Variants in CDH18 observed in about 807,000 individuals in gnomAD.
CDH18 encodes the protein cadherin 18, also known as cadherin-18.
CDH18 carries 31 observed loss-of-function variants against 67.9 expected under a neutral mutation model. That is an observed-to-expected ratio of 0.46 (90% CI 0.34 to 0.62). The LOEUF (loss-of-function observed/expected upper bound fraction) is 0.62. CDH18 is among the 20% of genes least tolerant of loss of function. The probability of loss-of-function intolerance (pLI) is 0.01; values close to 1 mark genes in which losing one functional copy is unlikely to be tolerated. For synonymous variants in CDH18, 362 were observed against 347.2 expected (o/e 1.04, Z -0.48); for missense variants, 890 against 975.5 (o/e 0.91, Z 1.17).
Position 20,443,207 on chromosome 5 carries a change from C to CTCAAAAAAAAAAAAAAAAAAAAAAAAA in CDH18, c.-580+132254_-580+132255insTTTTTTTTTTTTTTTTTTTTTTTTTGA, listed in dbSNP as rs1491460573. Among the ~76,000 whole-genome samples the CTCAAAAAAAAAAAAAAAAAAAAAAAAA allele has an allele frequency of 1.2e-4, 3 of 25,384 alleles. 1 individual carries two copies. Among genetic ancestry groups the CTCAAAAAAAAAAAAAAAAAAAAAAAAA allele is most frequent in the Admixed American group, 7.0e-4 (1 of 1,438 alleles). 16.7% of individuals were successfully genotyped at this position (25,384 alleles called of 152,430 possible). ...CCTGGGTGATAGAGCGAGACTCCGT[C>CTCAAAAAAAAAAAAAAAAAAAAAAAAA]ACAAAAAAAAAAAAAAAAAAAAAAG... On this transcript the variant is annotated intron_variant, in intron 1 of 14. Coordinates refer to the CDH18 transcript ENST00000507958.
chr5:19,879,362 T>C (rs988282766), intron 2 of CDH18, among the ~76,000 whole-genome samples: 26 of 152,034 alleles, frequency 1.7e-4, no homozygotes, highest in Middle Eastern at 6.8e-3. Context: ...CACATATTAA[T>C]ACATTAAATA....
intron 1 of CDH18, among the ~76,000 whole-genome samples, chr5:20,561,605 G>T (rs555044552): frequency 3.3e-5 from 5 of 151,960 alleles, no homozygotes; most frequent in African/African-American, 1.2e-4. Flanking sequence ...AAGGAGAAAC[G>T]AATAGGTCAA....
At chr5:19,841,495 G>T (rs1179030371) in intron 2 of CDH18, among the ~76,000 whole-genome samples, 1 of 149,826 alleles carries the variant, frequency 6.7e-6, no homozygotes. Context: ...TCCAGCATTT[G>T]TAATAAATTA....
chr5:20,269,096 A>T (rs145237202), intron 1 of CDH18, among the ~76,000 whole-genome samples: 2 of 152,336 alleles, frequency 1.3e-5, no homozygotes, highest in East Asian at 3.9e-4. Flanking sequence ...TTTTTAAAAG[A>T]AGATACACAA....
At chr5:19,771,918 T>C (rs1384040048) in intron 3 of CDH18, among the ~76,000 whole-genome samples, 2 of 152,210 alleles carry the variant, frequency 1.3e-5, no homozygotes, top group Non-Finnish European at 2.9e-5. Context: ...CTCCACATTA[T>C]ATACTTATTA....
At chr5:20,500,140 C>A (rs571892965) in intron 1 of CDH18, among the ~76,000 whole-genome samples, 6 of 152,164 alleles carry the variant, frequency 3.9e-5, no homozygotes, top group African/African-American at 1.2e-4. Flanking sequence ...TTCTCTTATG[C>A]CAAAAATAAA....
rs562976740 is a variant in CDH18 at position 20,018,920 on chromosome 5, G to A, written c.-517-26906C>T. ...CGCCATTCTCCTGCCTCAGCCTCCC[G>A]TGTAGCTGGGACTACAGGCGCGCGC... On this transcript the variant is annotated intron_variant, in intron 2 of 14. Transcript: ENST00000507958. Among the ~76,000 whole-genome samples the A allele has an allele frequency of 5.9e-4, 88 of 148,310 alleles. 3 individuals are homozygous for A. The highest frequency in any genetic ancestry group is 2.0e-3 in the African/African-American group (80 of 39,644).
chr5:19,879,211 G>T (rs184324157), intron 2 of CDH18, among the ~76,000 whole-genome samples: 97 of 152,098 alleles, frequency 6.4e-4, no homozygotes, highest in Non-Finnish European at 1.3e-3. Context: ...GTTGCAAAGA[G>T]AGATTTTTAT....
intron 1 of CDH18, among the ~76,000 whole-genome samples, chr5:20,388,522 C>A (rs1744520185): frequency 6.6e-6 from 1 of 152,068 alleles, no homozygotes; most frequent in Non-Finnish European, 1.5e-5. Context: ...AAAACCAGCT[C>A]CTAGATTCCT....
intron 2 of CDH18, among the ~76,000 whole-genome samples, chr5:20,041,682 A>G (rs1478960424): frequency 1.3e-5 from 2 of 152,226 alleles, no homozygotes; most frequent in African/African-American, 4.8e-5. Context: ...CTCAAAACGC[A>G]CTTTTAAAAA....
At chr5:19,886,616 T>A (rs958539201) in intron 2 of CDH18, among the ~76,000 whole-genome samples, 3 of 152,176 alleles carry the variant, frequency 2.0e-5, no homozygotes, top group African/African-American at 7.2e-5. Context: ...GTATCTTTTA[T>A]TGTAATAAGC....
At chr5:20,231,924 T>C (rs1273198879) in intron 2 of CDH18, among the ~76,000 whole-genome samples, 1 of 152,058 alleles carries the variant, frequency 6.6e-6, no homozygotes, top group East Asian at 1.9e-4. Context: ...GCTAAATCAA[T>C]AGATTTCTAT....
At chr5:19,695,448 T>C (rs1762417964) in intron 5 of CDH18, among the ~76,000 whole-genome samples, 1 of 152,220 alleles carries the variant, frequency 6.6e-6, no homozygotes, top group Non-Finnish European at 1.5e-5. Flanking sequence ...GTAATCTGCT[T>C]ATACAGCAGA....
chr5:20,336,724 C>CAAAAAAAAAAAAAAAAAAAAAAAAAAA (rs59083214), intron 1 of CDH18, among the ~76,000 whole-genome samples: 1 of 63,472 alleles, frequency 1.6e-5, no homozygotes, highest in Non-Finnish European at 2.8e-5. Context: ...GCCTCTGTCT[C>CAAAAAAAAAAAAAAAAAAAAAAAAAAA]AAAAAAAAAA....
At chr5:19,784,832 C>T (rs1775524997) in intron 3 of CDH18, among the ~76,000 whole-genome samples, 1 of 152,152 alleles carries the variant, frequency 6.6e-6, no homozygotes, top group South Asian at 2.1e-4. Flanking sequence ...AAGCCTGCTA[C>T]CTGGAGGCTT....
intron 2 of CDH18, among the ~76,000 whole-genome samples, chr5:19,956,843 G>A (rs1029303390): frequency 6.6e-6 from 1 of 151,776 alleles, no homozygotes; most frequent in Non-Finnish European, 1.5e-5. Context: ...AACATTTTCA[G>A]TTGTCATGCA....
At chr5:20,238,281 A>G (rs1742626750) in intron 2 of CDH18, among the ~76,000 whole-genome samples, 1 of 152,136 alleles carries the variant, frequency 6.6e-6, no homozygotes, top group Non-Finnish European at 1.5e-5. Flanking sequence ...ATATATGACA[A>G]GAAATCAAAC....
intron 1 of CDH18, among the ~76,000 whole-genome samples, chr5:20,552,078 G>A (rs1273834204): frequency 6.6e-6 from 1 of 151,826 alleles, no homozygotes; most frequent in Non-Finnish European, 1.5e-5. Context: ...TCATACAATA[G>A]CAATAGCAGG....
At chr5:20,168,809 A>G (rs573965880) in intron 2 of CDH18, among the ~76,000 whole-genome samples, 2 of 152,324 alleles carry the variant, frequency 1.3e-5, no homozygotes, top group South Asian at 2.1e-4. Flanking sequence ...CTCTTCAGCC[A>G]TATAAAAGAA....
Sources: gnomAD v4.1 joint callset for allele counts (sites outside exome capture counted in the v4.1 genomes callset) on GRCh38, gnomAD v4.1.1 for gene constraint, MANE v1.5 for transcripts, NCBI Gene and HGNC (gene_info 2026-07-23, HGNC 2026-07-21) for gene names.